Variants in CIB4 observed in about 807,000 individuals in gnomAD.
CIB4 encodes the protein calcium and integrin binding family member 4.
In CIB4, 25 loss-of-function variants were observed where a neutral mutation model predicts 25.8. The observed-to-expected ratio is 0.97, with a 90% CI of 0.71 to 1.35. The LOEUF (loss-of-function observed/expected upper bound fraction) is 1.35, where lower values mean the gene tolerates loss of function less well. Among genes scored for constraint, CIB4 ranks in the 40% most tolerant of loss-of-function variants. CIB4 has a pLI of 0.00. For missense variants in CIB4, 235 were observed against 228.2 expected, an observed-to-expected ratio of 1.03 and a Z score of -0.19; for synonymous variants, 75 against 81.4, an observed-to-expected ratio of 0.92 and a Z score of 0.42.
intron 4 of CIB4, among the ~76,000 whole-genome samples, chr2:26,589,060 CTCTTCCTCTTCCTCTTCTTCT>C (rs1668522281): frequency 2.5e-4 from 9 of 36,474 alleles, no homozygotes; most frequent in African/African-American, 8.5e-4. Context: ...CTTCTTCTTC[CTCTTCCTCTTCCTCTTCTTCT>C]TCTTCTTCTT....
chr2:26,593,352 A>G (rs1668621041), intron 4 of CIB4, among the ~76,000 whole-genome samples: 1 of 151,720 alleles, frequency 6.6e-6, no homozygotes, highest in Non-Finnish European at 1.5e-5. Context: ...ATATACATAT[A>G]TACATATACA....
chr2:26,631,302 C>T (rs560620719), intron 2 of CIB4, among the ~76,000 whole-genome samples: 1 of 152,144 alleles, frequency 6.6e-6, no homozygotes, highest in Admixed American at 6.5e-5. Flanking sequence ...CAGGGAGACC[C>T]CATTTCTACA....
intron 2 of CIB4, among the ~76,000 whole-genome samples, chr2:26,638,082 C>A (rs548773279): frequency 6.6e-6 from 1 of 152,190 alleles, no homozygotes; most frequent in Non-Finnish European, 1.5e-5. Flanking sequence ...CAGGCACAGG[C>A]CCTTCATGCT....
chr2:26,587,204 G>A (rs1158958557), intron 4 of CIB4, among the ~76,000 whole-genome samples: 1 of 150,868 alleles, frequency 6.6e-6, no homozygotes, highest in East Asian at 2.0e-4. Flanking sequence ...TACTCGGGAG[G>A]CTGAGGCAGG....
chr2:26,634,709 C>G (rs182011069), intron 2 of CIB4, among the ~76,000 whole-genome samples: 1 of 152,210 alleles, frequency 6.6e-6, no homozygotes, highest in African/African-American at 2.4e-5. Context: ...ACTCCACCTG[C>G]GGCCTTGAGG....
At chr2:26,639,255 G>A (rs1052013733) in intron 2 of CIB4, among the ~76,000 whole-genome samples, 5 of 150,156 alleles carry the variant, frequency 3.3e-5, no homozygotes, top group African/African-American at 1.2e-4. Flanking sequence ...ATGCAGGTTT[G>A]TTACATAGGT....
chr2:26,589,352 A>ACT (rs1167109877), intron 4 of CIB4, among the ~76,000 whole-genome samples: 2 of 148,076 alleles, frequency 1.4e-5, no homozygotes, highest in African/African-American at 5.0e-5. Context: ...ACAGAGTCTC[A>ACT]CTCTTCTTCC....
chr2:26,619,518 T>C (rs1013019896), intron 3 of CIB4, among the ~76,000 whole-genome samples: 2 of 152,056 alleles, frequency 1.3e-5, no homozygotes, highest in African/African-American at 4.8e-5. Flanking sequence ...AGCGACAGGG[T>C]GAAAGATCCC....
intron 2 of CIB4, among the ~76,000 whole-genome samples, chr2:26,633,246 T>A (rs1572573877): frequency 6.6e-6 from 1 of 152,224 alleles, no homozygotes; most frequent in African/African-American, 2.4e-5. Context: ...CACCCTCTCA[T>A]GACAAAGCCT....
At chr2:26,604,949 C>T (rs553193788) in intron 3 of CIB4, among the ~76,000 whole-genome samples, 1 of 152,118 alleles carries the variant, frequency 6.6e-6, no homozygotes, top group African/African-American at 2.4e-5. Flanking sequence ...TTACAGAACA[C>T]GCCACCCCAC....
chr2:26,640,440 C>A lies in CIB4; in HGVS notation c.89+93G>T. ...GCTGTGTGGCTCTGAGCAGGGACCA[C>A]ACTCAGGGACCAGCGTGAGGCTGTA... On this transcript the variant is annotated intron_variant, in intron 2 of 6. Transcript: ENST00000288861. 2.9e-6 allele frequency: 4 copies of A among 1,367,972 alleles called. No individual in the cohort carries two copies. The South Asian group carries it at 3.9e-5, about 13-fold the overall frequency. The allele number at this position is 1,367,972 out of a possible 1,614,324, so 84.7% of individuals were successfully genotyped here. A position where few individuals can be genotyped will look rare whatever the true frequency, so the allele number is the denominator to read the frequency against.
At chr2:26,626,928 G>A (rs1231414263) in intron 3 of CIB4, among the ~76,000 whole-genome samples, 2 of 152,170 alleles carry the variant, frequency 1.3e-5, no homozygotes, top group Admixed American at 6.5e-5. Flanking sequence ...CACCTCCACC[G>A]GGTCCCTTAC....
chr2:26,614,138 C>T (rs993311071), intron 3 of CIB4, among the ~76,000 whole-genome samples: 3 of 152,170 alleles, frequency 2.0e-5, no homozygotes, highest in South Asian at 2.1e-4. Context: ...ACTTCAGGAA[C>T]GATATTGTTT....
intron 6 of CIB4, among the ~76,000 whole-genome samples, 186 bp from the exon 7 acceptor site, chr2:26,581,579 A>AC (rs1668344625): frequency 6.6e-6 from 1 of 152,132 alleles, no homozygotes; most frequent in South Asian, 2.1e-4. Flanking sequence ...TTTCAGCATC[A>AC]CCCCAAGGCA....
In CIB4 at chr2:26,626,503, C is replaced by T. The variant is rs536212714; in HGVS notation, c.186+2907G>A. Among the ~76,000 whole-genome samples, 8 of 151,680 alleles carry T rather than the reference C, an allele frequency of 5.3e-5. No homozygotes were observed. The South Asian group carries it at 1.7e-3, about 32-fold the overall frequency. ...AGCCAAAATGATTGTGGCAGTCATC[C>T]CTTGAGGTAGACTAATATATCATTT... On this transcript the variant is annotated intron_variant, in intron 3 of 6. Coordinates refer to ENST00000288861, the MANE Select transcript of CIB4 (RefSeq NM_001029881.3).
chr2:26,584,982 C>G (rs1018141088), intron 4 of CIB4, among the ~76,000 whole-genome samples: 1 of 152,198 alleles, frequency 6.6e-6, no homozygotes, highest in Non-Finnish European at 1.5e-5. Context: ...TCGGGGAGTG[C>G]TGCCCTGAGC....
chr2:26,611,563 G>A (rs1329763147), intron 3 of CIB4, among the ~76,000 whole-genome samples: 1 of 152,164 alleles, frequency 6.6e-6, no homozygotes, highest in African/African-American at 2.4e-5. Context: ...TCATTTTAAT[G>A]ATTGCGTAGT....
intron 4 of CIB4, among the ~76,000 whole-genome samples, chr2:26,591,932 C>G (rs987969364): frequency 6.6e-6 from 1 of 152,212 alleles, no homozygotes; most frequent in Non-Finnish European, 1.5e-5. Context: ...CAGATTCCCC[C>G]AGTCAAGCGC....
intron 3 of CIB4, among the ~76,000 whole-genome samples, chr2:26,608,300 G>A (rs1193668507): frequency 7.9e-5 from 12 of 151,436 alleles, no homozygotes; most frequent in African/African-American, 1.2e-4. Flanking sequence ...GGGGGCTCAC[G>A]TGCTGTGTAC....
Sources: allele counts gnomAD v4.1 joint callset (sites outside exome capture counted in the v4.1 genomes callset), GRCh38; gene constraint gnomAD v4.1.1; transcripts MANE v1.5; gene names NCBI Gene and HGNC (gene_info 2026-07-23, HGNC 2026-07-21).